The following WDR27 variants were observed in gnomAD, a reference collection of about 807,000 sequenced individuals.
The protein encoded by WDR27 is WD repeat-containing protein 27.
A neutral mutation model predicts 114.4 loss-of-function variants in WDR27; 100 were observed. The observed-to-expected ratio is 0.87, with a 90% CI of 0.74 to 1.03. The LOEUF (loss-of-function observed/expected upper bound fraction) is 1.03, where lower values mean the gene tolerates loss of function less well. Ranked by LOEUF, WDR27 falls within the 50% of genes least tolerant of loss-of-function variation. WDR27 has a pLI of 0.00. For synonymous variants in WDR27, 449 were observed against 423.1 expected, an observed-to-expected ratio of 1.06 and a Z score of -0.75; for missense variants, 1,129 against 1,092.9, an observed-to-expected ratio of 1.03 and a Z score of -0.47.
intron 25 of WDR27, among the ~76,000 whole-genome samples, chr6:169,550,232 A>T (rs768961915): frequency 2.0e-4 from 31 of 152,200 alleles, no homozygotes; most frequent in Non-Finnish European, 2.8e-4. Context: ...ATATCGTTAT[A>T]AGAGTGTTCA....
At chr6:169,482,966 C>A (rs1035627352) in intron 25 of WDR27, among the ~76,000 whole-genome samples, 4 of 152,082 alleles carry the variant, frequency 2.6e-5, no homozygotes, top group Non-Finnish European at 5.9e-5. Flanking sequence ...AGGCAGATAT[C>A]AAGGAGTTCT....
Position 169,688,843 on chromosome 6 carries a change from A to G in WDR27, c.163T>C (p.Trp55Arg). ...FPLDGTELCI[W>R]NTKDPSHQLL... is the part of the protein sequence containing the mutation. ...TGATGAGAAGGATCCTTAGTGTTCCATATACAAAGTTCAGTTCCATCCAAA... is the reference window on the plus strand; with the variant it reads ...TGATGAGAAGGATCCTTAGTGTTCCGTATACAAAGTTCAGTTCCATCCAAA... The change falls in exon 2 of 26, where the codon TGG becomes CGG. Residue 55 changes from tryptophan (W) to arginine (R), a missense_variant. By Grantham distance (101) the Trp-to-Arg change is moderately radical. Transcript: ENST00000448612. The G allele has an allele frequency of 6.2e-7, 1 of 1,611,170 alleles. No homozygotes were observed. The highest frequency in any genetic ancestry group is 8.5e-7 in the Non-Finnish European group (1 of 1,178,942).
intron 25 of WDR27, among the ~76,000 whole-genome samples, chr6:169,555,314 A>T (rs1798720302): frequency 6.6e-6 from 1 of 152,080 alleles, no homozygotes; most frequent in Non-Finnish European, 1.5e-5. Context: ...CAAGTGGGAA[A>T]AACACATTCC....
chr6:169,429,785 G>C, the WDR27 span, among the ~76,000 whole-genome samples: 2 of 152,162 alleles, frequency 1.3e-5, no homozygotes, highest in Non-Finnish European at 2.9e-5. Flanking sequence ...CCAAAACTTT[G>C]CATTTTTAAT....
intron 24 of WDR27, among the ~76,000 whole-genome samples, chr6:169,576,935 T>C (rs1180352550): frequency 2.7e-5 from 4 of 148,370 alleles, no homozygotes; most frequent in Non-Finnish European, 5.9e-5. Context: ...AAGAGTGTGT[T>C]TATAATTAGC....
chr6:169,466,943 T>C (rs1168064436), intron 25 of WDR27, among the ~76,000 whole-genome samples: 1 of 152,166 alleles, frequency 6.6e-6, no homozygotes, highest in African/African-American at 2.4e-5. Flanking sequence ...AAAAGCAAGT[T>C]AGTTACTTCC....
At chr6:169,553,058 CTGTGTGTGTGTGTGTG>C (rs3033612) in intron 25 of WDR27, among the ~76,000 whole-genome samples, 9 of 30,164 alleles carry the variant, frequency 3.0e-4, no homozygotes, top group Non-Finnish European at 3.6e-4. Flanking sequence ...CCTGGAGGGC[CTGTGTGTGTGTGTGTG>C]TGTGTGTGTG....
Position 169,490,127 on chromosome 6 carries a change from G to A in WDR27, c.2646-32493C>T, listed in dbSNP as rs1056568998. On this transcript the variant is annotated intron_variant, in intron 25 of 25. Coordinates refer to ENST00000448612, the MANE Select transcript of WDR27 (RefSeq NM_182552.5). The stretch of plus-strand genomic sequence containing the variant: ...CACTTGTCACCACTAAAGGGTCCAC[G>A]GCATATTTCTTCAGCACAAAGGTTT... Among the ~76,000 whole-genome samples the A allele has an allele frequency of 3.3e-5, 5 of 152,142 alleles. No homozygotes were observed. The East Asian group carries it at 5.8e-4, about 18-fold the overall frequency.
At chr6:169,675,923 T>C (rs966518146) in intron 2 of WDR27, among the ~76,000 whole-genome samples, 1 of 152,176 alleles carries the variant, frequency 6.6e-6, no homozygotes, top group Non-Finnish European at 1.5e-5. Flanking sequence ...AGAATATGGA[T>C]TTTTCCACAA....
chr6:169,625,927 G>A (rs938551796), intron 21 of WDR27, among the ~76,000 whole-genome samples: 4 of 152,190 alleles, frequency 2.6e-5, no homozygotes, highest in Non-Finnish European at 5.9e-5. Context: ...CAACCAGGGT[G>A]TGAGAGAATG....
chr6:169,660,930 GT>G (rs1489273306), intron 9 of WDR27, among the ~76,000 whole-genome samples, 164 bp from the exon 10 acceptor site: 1 of 149,112 alleles, frequency 6.7e-6, no homozygotes, highest in African/African-American at 2.5e-5. Flanking sequence ...CTCCGCAGGA[GT>G]GGGGAGCGTG....
chr6:169,489,096 A>T (rs1789371542), intron 25 of WDR27, among the ~76,000 whole-genome samples: 2 of 151,944 alleles, frequency 1.3e-5, no homozygotes, highest in African/African-American at 4.8e-5. Flanking sequence ...TTACTTCCCG[A>T]CCCTGGTGCA....
intron 23 of WDR27, among the ~76,000 whole-genome samples, chr6:169,601,815 A>G (rs1201561730): frequency 2.0e-5 from 3 of 152,222 alleles, no homozygotes; most frequent in African/African-American, 7.2e-5. Flanking sequence ...CAGTTCCATT[A>G]ATATAAGCAC....
chr6:169,578,710 A>G (rs1802871563), intron 24 of WDR27, among the ~76,000 whole-genome samples: 1 of 152,186 alleles, frequency 6.6e-6, no homozygotes, highest in South Asian at 2.1e-4. Context: ...GATAACGAGG[A>G]AAGACCCTCA....
chr6:169,506,283 A>G (rs2115508079), intron 25 of WDR27, among the ~76,000 whole-genome samples: 2 of 152,306 alleles, frequency 1.3e-5, no homozygotes, highest in Middle Eastern at 3.4e-3. Context: ...GTCAGGATAC[A>G]TTATAATCCG....
At chr6:169,680,594 A>G (rs1781249446) in intron 2 of WDR27, among the ~76,000 whole-genome samples, 1 of 152,210 alleles carries the variant, frequency 6.6e-6, no homozygotes, top group African/African-American at 2.4e-5. Flanking sequence ...AAGAAAAAAG[A>G]AGATATTTTT....
intron 25 of WDR27, among the ~76,000 whole-genome samples, chr6:169,470,204 A>G (rs1786167068): frequency 6.6e-6 from 1 of 152,134 alleles, no homozygotes; most frequent in South Asian, 2.1e-4. Context: ...GGCCTCTAAC[A>G]TTCCTGTTTT....
rs372066814 is a variant in WDR27, at chr6:169,686,871, A to C, written c.189+1946T>G. On this transcript the variant is annotated intron_variant, in intron 2 of 25. Transcript: ENST00000448612. ...GATGGAACTGGAGGTCATTATGTTA[A>C]ATGAAATAAGCCAGGCACAGAAAGA... Among the ~76,000 whole-genome samples, 29 of 152,308 alleles carry C rather than the reference A, an allele frequency of 1.9e-4. No individual in the cohort carries two copies. The South Asian group carries it at 3.9e-3, about 21-fold the overall frequency.
At chr6:169,461,068 G>T (rs1355310090) in intron 25 of WDR27, among the ~76,000 whole-genome samples, 9 of 151,346 alleles carry the variant, frequency 5.9e-5, no homozygotes, top group Non-Finnish European at 1.3e-4. Flanking sequence ...ATAATACAAA[G>T]AAATATAAAT....
Sources: gnomAD v4.1 joint callset for allele counts (sites outside exome capture counted in the v4.1 genomes callset) on GRCh38, gnomAD v4.1.1 for gene constraint, MANE v1.5 for transcripts, NCBI Gene and HGNC (gene_info 2026-07-23, HGNC 2026-07-21) for gene names.